Variants in ZNF385D observed in about 807,000 individuals in gnomAD.
ZNF385D encodes zinc finger protein 659.
Under a neutral mutation model 35.8 loss-of-function variants are expected in ZNF385D, and 15 were observed. The ratio of observed to expected loss-of-function variants is 0.42; its 90% confidence interval spans 0.28 to 0.64. The LOEUF (loss-of-function observed/expected upper bound fraction) is 0.64, where lower values mean the gene tolerates loss of function less well. Ranked by LOEUF, ZNF385D falls within the 30% of genes least tolerant of loss-of-function variation. The probability of loss-of-function intolerance (pLI) is 0.23; values close to 1 mark genes in which losing one functional copy is unlikely to be tolerated. For synonymous variants in ZNF385D, 212 were observed against 186.8 expected (o/e 1.13, Z -1.10); for missense variants, 474 against 494.6 (o/e 0.96, Z 0.39).
intron 3 of ZNF385D, among the ~76,000 whole-genome samples, chr3:22,138,013 G>C (rs912451341): frequency 6.6e-6 from 1 of 152,008 alleles, no homozygotes; most frequent in Non-Finnish European, 1.5e-5. Context: ...ATAAGCAATC[G>C]TATACACCAA....
chr3:21,977,993 C>G (rs1188950762), intron 3 of ZNF385D, among the ~76,000 whole-genome samples: 2 of 151,998 alleles, frequency 1.3e-5, no homozygotes, highest in Non-Finnish European at 2.9e-5. Context: ...GTTGGTATAG[C>G]CAAAGGAAAG....
intron 2 of ZNF385D, among the ~76,000 whole-genome samples, chr3:22,295,275 G>C (rs745927934): frequency 2.6e-5 from 4 of 151,974 alleles, no homozygotes; most frequent in African/African-American, 7.2e-5. Context: ...CATAATTTTT[G>C]CACAAAAGAT....
rs114046000 is a variant in ZNF385D, at chr3:22,269,271, C to A, written c.107-100236G>T. On this transcript the variant is annotated intron_variant, in intron 2 of 5. Coordinates refer to the ZNF385D transcript ENST00000494108. ...AGAGAAGTAATGGCTGAATAAATCTCTAACAACTATCAGAGGCATCCTTGG... is the reference window on the plus strand; with the variant it reads ...AGAGAAGTAATGGCTGAATAAATCTATAACAACTATCAGAGGCATCCTTGG... 4.4e-3 allele frequency among the ~76,000 whole-genome samples: 673 copies of A among 152,014 alleles called. 7 individuals carry two copies. Among genetic ancestry groups the A allele is most frequent in the African/African-American group, 0.015 (640 of 41,498 alleles).
chr3:21,884,439 C>A (rs971538983), intron 3 of ZNF385D, among the ~76,000 whole-genome samples: 27 of 151,992 alleles, frequency 1.8e-4, no homozygotes, highest in African/African-American at 5.6e-4. Flanking sequence ...GTGGCCTCAA[C>A]TCTGCTATTA....
rs560518111 is a variant in ZNF385D, at chr3:21,419,337, G to T, written c.*1877C>A. On this transcript the variant is annotated 3_prime_UTR_variant, in exon 8 of 8. Coordinates refer to ENST00000281523, the MANE Select transcript of ZNF385D (RefSeq NM_024697.3). ...TATGACAAATTTCTATAGCTAGATG[G>T]TGGAGAAGAACTCCAAAAAACCATG... 6.6e-6 allele frequency: 1 copy of T among 151,914 alleles called. No homozygotes were observed. Among genetic ancestry groups the T allele is most frequent in the Non-Finnish European group, 1.5e-5 (1 of 67,980 alleles). 9.4% of individuals were successfully genotyped at this position (151,914 alleles called of 1,614,324 possible).
At chr3:21,851,255 G>C (rs533419465) in intron 3 of ZNF385D, among the ~76,000 whole-genome samples, 1 of 152,144 alleles carries the variant, frequency 6.6e-6, no homozygotes, top group African/African-American at 2.4e-5. Context: ...AAAAGATTGT[G>C]AATTTGATGA....
At chr3:21,835,596 C>G (rs530131844) in intron 3 of ZNF385D, among the ~76,000 whole-genome samples, 2 of 151,218 alleles carry the variant, frequency 1.3e-5, no homozygotes, top group East Asian at 3.9e-4. Flanking sequence ...AGCATATGTT[C>G]TAATAGAAAA....
Position 21,944,447 on chromosome 3 carries a change from C to A in ZNF385D, c.325+224370G>T, listed in dbSNP as rs534408749. ...GAGCACCAATATATTAGAAACAATG[C>A]GAAAACTCCCAGTGACTGGAGCCTG... On this transcript the variant is annotated intron_variant, in intron 3 of 5. Coordinates refer to the ZNF385D transcript ENST00000494108. 1.4e-4 allele frequency among the ~76,000 whole-genome samples: 22 copies of A among 152,136 alleles called. 1 individual carries two copies. The highest frequency in any genetic ancestry group is 4.1e-4 in the African/African-American group (17 of 41,432).
intron 2 of ZNF385D, among the ~76,000 whole-genome samples, chr3:22,363,163 C>CCTGGACCTTGCCCA (rs71266430): frequency 0.76 from 115,243 of 151,592 alleles, 44,243 homozygotes; most frequent in South Asian, 0.86. Flanking sequence ...TCTACCACTG[C>CCTGGACCTTGCCCA]CTGGACCTTG....
intron 2 of ZNF385D, among the ~76,000 whole-genome samples, chr3:22,184,659 C>T (rs148509933): frequency 6.6e-6 from 1 of 152,246 alleles, no homozygotes; most frequent in South Asian, 2.1e-4. Flanking sequence ...AACCCTGTCT[C>T]TACTTACAAA....
intron 2 of ZNF385D, among the ~76,000 whole-genome samples, chr3:21,623,596 C>T (rs938635094): frequency 2.0e-5 from 3 of 151,950 alleles, no homozygotes; most frequent in Non-Finnish European, 4.4e-5. Flanking sequence ...GGAAATTGAG[C>T]CCACAATGAG....
intron 3 of ZNF385D, among the ~76,000 whole-genome samples, chr3:22,085,225 A>G (rs776287629): frequency 4.6e-5 from 7 of 152,220 alleles, no homozygotes; most frequent in Non-Finnish European, 7.3e-5. Context: ...AATAGAATTA[A>G]GATCAGAGCA....
At chr3:21,763,771 T>C (rs2070717915) in intron 3 of ZNF385D, among the ~76,000 whole-genome samples, 3 of 104,258 alleles carry the variant, frequency 2.9e-5, no homozygotes, top group African/African-American at 8.5e-5. Flanking sequence ...CTGTGAACAG[T>C]AAGTCCATTT....
chr3:22,117,434 A>G (rs1174821528), intron 3 of ZNF385D, among the ~76,000 whole-genome samples: 1 of 152,040 alleles, frequency 6.6e-6, no homozygotes, highest in East Asian at 1.9e-4. Flanking sequence ...ATGATTTTGA[A>G]ATTAAGAACA....
At chr3:22,005,056 C>CAAAAAAAAA (rs71044965) in intron 3 of ZNF385D, among the ~76,000 whole-genome samples, 24 of 57,370 alleles carry the variant, frequency 4.2e-4, no homozygotes, top group Non-Finnish European at 5.2e-4. Flanking sequence ...CACTCAGCAG[C>CAAAAAAAAA]AAAAAAAAAA....
chr3:22,115,939 G>C (rs1262098196), intron 3 of ZNF385D, among the ~76,000 whole-genome samples: 1 of 152,010 alleles, frequency 6.6e-6, no homozygotes, highest in Non-Finnish European at 1.5e-5. Context: ...AGCTGTCCGA[G>C]GTTGCAGCCA....
intron 3 of ZNF385D, among the ~76,000 whole-genome samples, chr3:21,529,843 T>C (rs1265352489): frequency 1.3e-5 from 2 of 152,232 alleles, no homozygotes. Flanking sequence ...CAAGTTACTT[T>C]TCTCCATATC....
chr3:22,355,617 C>T (rs1193694737), intron 2 of ZNF385D, among the ~76,000 whole-genome samples: 1 of 151,692 alleles, frequency 6.6e-6, no homozygotes, highest in Non-Finnish European at 1.5e-5. Context: ...AAGGAAGAAG[C>T]TGGCCAATGT....
At chr3:21,426,578 T>C (rs1271825964) in intron 5 of ZNF385D, among the ~76,000 whole-genome samples, 1 of 152,174 alleles carries the variant, frequency 6.6e-6, no homozygotes, top group Non-Finnish European at 1.5e-5. Flanking sequence ...TCATGTGTTT[T>C]TTCTGTGACA....
Sources: gnomAD v4.1 joint callset for allele counts (sites outside exome capture counted in the v4.1 genomes callset) on GRCh38, gnomAD v4.1.1 for gene constraint, MANE v1.5 for transcripts, NCBI Gene and HGNC (gene_info 2026-07-23, HGNC 2026-07-21) for gene names.